Variants in CDH13 observed in about 807,000 individuals in gnomAD.
The protein encoded by CDH13 is cadherin-13.
In CDH13, 24 loss-of-function variants were observed where a neutral mutation model predicts 63.8. That is an observed-to-expected ratio of 0.38 (90% CI 0.27 to 0.53). The LOEUF (loss-of-function observed/expected upper bound fraction) is 0.53, where lower values mean the gene tolerates loss of function less well. Among genes scored for constraint, CDH13 ranks in the 20% least tolerant of loss-of-function variants. The probability of loss-of-function intolerance (pLI) is 0.85; values close to 1 mark genes in which losing one functional copy is unlikely to be tolerated. For missense variants in CDH13, 1,049 were observed against 903.1 expected, an observed-to-expected ratio of 1.16 and a Z score of -2.07; for synonymous variants, 503 against 355.3, an observed-to-expected ratio of 1.42 and a Z score of -4.67.
At chr16:83,271,525 AC>A (rs200619010) in intron 5 of CDH13, among the ~76,000 whole-genome samples, 31 of 127,608 alleles carry the variant, frequency 2.4e-4, no homozygotes, top group Middle Eastern at 4.2e-3. Flanking sequence ...CAAAACAACA[AC>A]AACAAAAAAA....
chr16:82,766,889 T>C (rs2035075590), intron 1 of CDH13, among the ~76,000 whole-genome samples: 1 of 152,214 alleles, frequency 6.6e-6, no homozygotes, highest in African/African-American at 2.4e-5. Flanking sequence ...TGTTTCATTA[T>C]AAAATTTTTT....
chr16:83,624,343 CA>C (rs200228920), intron 8 of CDH13, among the ~76,000 whole-genome samples: 3 of 151,588 alleles, frequency 2.0e-5, no homozygotes, highest in Non-Finnish European at 2.9e-5. Flanking sequence ...ATAACGCCCC[CA>C]CCCCTGCCCC....
intron 6 of CDH13, among the ~76,000 whole-genome samples, chr16:83,355,483 C>G (rs1439673486): frequency 1.3e-5 from 2 of 152,218 alleles, no homozygotes; most frequent in African/African-American, 4.8e-5. Flanking sequence ...GTCCCAGGCA[C>G]AAATTATCCA....
intron 2 of CDH13, among the ~76,000 whole-genome samples, chr16:83,019,495 CTTTTTTTTTT>C (rs769273795): frequency 7.6e-6 from 1 of 132,324 alleles, no homozygotes; most frequent in East Asian, 2.2e-4. Flanking sequence ...TTAACATTTT[CTTTTTTTTTT>C]TTTTTTTTGA....
intron 3 of CDH13, among the ~76,000 whole-genome samples, chr16:83,041,348 G>C (rs914485738): frequency 2.0e-5 from 3 of 151,828 alleles, no homozygotes; most frequent in East Asian, 1.9e-4. Context: ...TTTAAAAGAC[G>C]TAATTTTGGC....
At chr16:82,676,796 A>C (rs1031455071) in intron 1 of CDH13, among the ~76,000 whole-genome samples, 23 of 151,514 alleles carry the variant, frequency 1.5e-4, no homozygotes, top group Middle Eastern at 3.4e-3. Flanking sequence ...AACTCCAGCC[A>C]CCCCAGTCCT....
At chr16:83,070,605 A>T (rs1279999361) in intron 3 of CDH13, among the ~76,000 whole-genome samples, 2 of 152,146 alleles carry the variant, frequency 1.3e-5, no homozygotes. Flanking sequence ...AAACATGACT[A>T]ATATAATCCA....
At chr16:82,947,705 G>A (rs1904882220) in intron 2 of CDH13, among the ~76,000 whole-genome samples, 1 of 152,114 alleles carries the variant, frequency 6.6e-6, no homozygotes, top group South Asian at 2.1e-4. Flanking sequence ...GCAAGTTTGG[G>A]AGTAGGGGTG....
chr16:82,934,138 A>C (rs1335326044), intron 2 of CDH13, among the ~76,000 whole-genome samples: 1 of 152,242 alleles, frequency 6.6e-6, no homozygotes, highest in Admixed American at 6.5e-5. Context: ...GAGGTTCTGC[A>C]TGAGGGCTCT....
chr16:82,895,602 A>C (rs888437187), intron 2 of CDH13, among the ~76,000 whole-genome samples: 2 of 152,080 alleles, frequency 1.3e-5, no homozygotes, highest in Admixed American at 1.3e-4. Flanking sequence ...GATAAATGAC[A>C]TGCATTCACC....
rs112175179 is a variant in CDH13 at position 82,842,540 on chromosome 16, C to T, written c.46-15822C>T. Among the ~76,000 whole-genome samples, 1,418 of 152,160 alleles carry T rather than the reference C, an allele frequency of 9.3e-3. 23 individuals are homozygous for T. The highest frequency in any genetic ancestry group is 0.031 in the African/African-American group (1,292 of 41,498). On this transcript the variant is annotated intron_variant, in intron 1 of 13. Coordinates refer to ENST00000567109, the MANE Select transcript of CDH13 (RefSeq NM_001257.5). ...GACCTTACTCACCCCTCCATGAGGA[C>T]TCAGTTAATTCTAATCTCTATTTTG... is the stretch of plus-strand genomic sequence containing the variant.
intron 1 of CDH13, among the ~76,000 whole-genome samples, chr16:82,747,815 T>C (rs1024535723): frequency 2.6e-5 from 4 of 152,232 alleles, no homozygotes; most frequent in African/African-American, 9.6e-5. Flanking sequence ...AGTATTAGTA[T>C]TCCAGAGGCA....
chr16:83,008,611 C>T (rs563111828), intron 2 of CDH13, among the ~76,000 whole-genome samples: 7 of 152,244 alleles, frequency 4.6e-5, no homozygotes, highest in Admixed American at 1.3e-4. Context: ...TAATGTTATA[C>T]TTGGACCTTT....
chr16:82,869,309 G>A (rs554360171), intron 2 of CDH13, among the ~76,000 whole-genome samples: 33 of 152,114 alleles, frequency 2.2e-4, no homozygotes, highest in Non-Finnish European at 3.5e-4. Context: ...ACCTCCCAAA[G>A]GACTGGGTTA....
At chr16:83,750,026 G>A (rs939165496) in intron 11 of CDH13, among the ~76,000 whole-genome samples, 2 of 152,142 alleles carry the variant, frequency 1.3e-5, no homozygotes, top group Non-Finnish European at 1.5e-5. Context: ...GGCTGGGCAC[G>A]GTGGCTCATG....
intron 4 of CDH13, among the ~76,000 whole-genome samples, chr16:83,198,328 C>G (rs530368316): frequency 6.9e-6 from 1 of 145,256 alleles, no homozygotes; most frequent in African/African-American, 2.6e-5. Context: ...CATGTACACA[C>G]ACACACACAC....
chr16:82,744,620 G>C (rs1263705370), intron 1 of CDH13, among the ~76,000 whole-genome samples: 3 of 152,034 alleles, frequency 2.0e-5, no homozygotes, highest in Non-Finnish European at 4.4e-5. Flanking sequence ...CTATAACAGG[G>C]TTAGAACAAA....
chr16:83,681,313 C>G (rs1836621840), intron 10 of CDH13, among the ~76,000 whole-genome samples: 1 of 152,176 alleles, frequency 6.6e-6, no homozygotes. Flanking sequence ...CAGTGTGTCT[C>G]TGCAGCTGGT....
At chr16:83,290,625 T>A (rs990946244) in intron 5 of CDH13, among the ~76,000 whole-genome samples, 3 of 152,188 alleles carry the variant, frequency 2.0e-5, no homozygotes, top group Non-Finnish European at 2.9e-5. Context: ...ATTAGCAGTG[T>A]GAGAACAGAG....
Sources: gnomAD v4.1 joint callset for allele counts (sites outside exome capture counted in the v4.1 genomes callset) on GRCh38, gnomAD v4.1.1 for gene constraint, MANE v1.5 for transcripts, NCBI Gene and HGNC (gene_info 2026-07-23, HGNC 2026-07-21) for gene names.